YKT6: variants seen among roughly 807,000 people sequenced by gnomAD.
YKT6 encodes the protein YKT6 vesicular SNARE protein.
Under a neutral mutation model 29.3 loss-of-function variants are expected in YKT6, and 12 were observed. The ratio of observed to expected loss-of-function variants is 0.41; its 90% CI spans 0.26 to 0.66. The LOEUF (loss-of-function observed/expected upper bound fraction) is 0.66, where lower values mean the gene tolerates loss of function less well. Among genes scored for constraint, YKT6 ranks in the 30% least tolerant of loss-of-function variants. The pLI is 0.32. For missense variants in YKT6, 188 were observed against 243.8 expected (o/e 0.77, Z 1.52); for synonymous variants, 86 against 94.3 (o/e 0.91, Z 0.51).
intron 1 of YKT6, among the ~76,000 whole-genome samples, chr7:44,201,520 C>T (rs1405685119): frequency 1.3e-5 from 2 of 152,230 alleles, no homozygotes; most frequent in Non-Finnish European, 2.9e-5. Flanking sequence ...AACATTAGCT[C>T]TTTAAGAGCT....
chr7:44,204,948 CTCA>C (rs2096339338), intron 2 of YKT6, among the ~76,000 whole-genome samples: 1 of 152,204 alleles, frequency 6.6e-6, no homozygotes, highest in Non-Finnish European at 1.5e-5. Flanking sequence ...TTGCAGACCC[CTCA>C]AAAAAGGATT....
At chr7:44,208,390 GCACC>G (rs930742341) in intron 5 of YKT6, 192 bp downstream of exon 5, 1 of 570,802 alleles carries the variant, frequency 1.8e-6, no homozygotes, top group African/African-American at 1.9e-5. Context: ...TTGGTTAATG[GCACC>G]CATTGTTTCT....
intron 5 of YKT6, chr7:44,210,811 G>C: frequency 1.6e-6 from 1 of 624,228 alleles, no homozygotes; most frequent in Non-Finnish European, 3.0e-6. Context: ...ATCCCAGTTA[G>C]ATCTTCTAGA....
chr7:44,204,194 G>C (rs538115189), intron 1 of YKT6, among the ~76,000 whole-genome samples: 1 of 152,202 alleles, frequency 6.6e-6, no homozygotes, highest in Admixed American at 6.5e-5. Flanking sequence ...TTCTAGTGCA[G>C]TTCTTATAAA....
intron 1 of YKT6, 82 bp downstream of exon 1, chr7:44,201,321 C>G (rs541005712): frequency 2.5e-5 from 11 of 448,658 alleles, no homozygotes; most frequent in African/African-American, 2.3e-4. Context: ...GGCCTGGGGT[C>G]GGCGGAGGGA....
In YKT6 at chr7:44,210,955, G is replaced by A. The variant is rs1434678689; in HGVS notation, c.460-68G>A. Reference sequence around the variant, plus strand: ...AGGTAAGGCACTTTCCCCCATGACTGAAATATGAGGGGCTCATGTCAGGGC... The same window carrying A: ...AGGTAAGGCACTTTCCCCCATGACTAAAATATGAGGGGCTCATGTCAGGGC... On this transcript the variant is annotated intron_variant, in intron 5 of 6. Transcript: ENST00000223369. 3 of 1,550,668 alleles carry A rather than the reference G, an allele frequency of 1.9e-6. No homozygotes were observed. The African/African-American group carries it at 4.1e-5, about 21-fold the overall frequency.
chr7:44,204,742 C>T lies in YKT6; in HGVS notation c.187+92C>T, dbSNP rs2096339147. The T allele has an allele frequency of 3.5e-6, 4 of 1,149,164 alleles. No individual in the cohort carries two copies. In the East Asian group the frequency reaches 9.6e-5, roughly 28 times the overall value. 71.2% of individuals were successfully genotyped at this position (1,149,164 alleles called of 1,614,324 possible). A position where few individuals can be genotyped will look rare whatever the true frequency, so the allele number is the denominator to read the frequency against. ...CCAGCTTTCTCCTTTCTACTGGGACCCTACTCCTCCTCTAGCTTGTTCTCT... is the reference window on the plus strand; with the variant it reads ...CCAGCTTTCTCCTTTCTACTGGGACTCTACTCCTCCTCTAGCTTGTTCTCT... On this transcript the variant is annotated intron_variant, in intron 2 of 6. Coordinates refer to ENST00000223369, the MANE Select transcript of YKT6 (RefSeq NM_006555.4).
At chr7:44,211,886 T>G (rs906912189) in intron 6 of YKT6, among the ~76,000 whole-genome samples, 1 of 152,260 alleles carries the variant, frequency 6.6e-6, no homozygotes, top group East Asian at 1.9e-4. Context: ...TAGCATTGTG[T>G]GAAGACAGGA....
chr7:44,207,628 C>G (rs1322886528), intron 4 of YKT6, 136 bp downstream of exon 4: 6 of 737,700 alleles, frequency 8.1e-6, no homozygotes, highest in African/African-American at 1.8e-5. Context: ...TCAAGCCTTA[C>G]TGTTTGGAAA....
rs1016012083 is a variant in YKT6 at position 44,206,281 on chromosome 7, G to A, written c.188-104G>A. 8 of 1,157,248 alleles carry A rather than the reference G, an allele frequency of 6.9e-6. No homozygotes were observed. In the African/African-American group the frequency reaches 1.1e-4, roughly 15 times the overall value. 71.7% of individuals were successfully genotyped at this position (1,157,248 alleles called of 1,614,324 possible). ...TTGCCCAGAGCTATTGAGCTTCCGA[G>A]TGGCTTCATTTGGCCTAACATTGGA... is the stretch of plus-strand genomic sequence containing the variant. On this transcript the variant is annotated intron_variant, in intron 2 of 6. Coordinates refer to ENST00000223369, the MANE Select transcript of YKT6 (RefSeq NM_006555.4).
At chr7:44,207,850 C>T (rs906604407) in intron 4 of YKT6, among the ~76,000 whole-genome samples, 4 of 152,106 alleles carry the variant, frequency 2.6e-5, no homozygotes, top group African/African-American at 7.2e-5. Flanking sequence ...CTCAGCCTCC[C>T]GAGTAGCTGG....
chr7:44,208,976 T>C lies in YKT6; in HGVS notation c.459+778T>C, dbSNP rs528979512. Among the ~76,000 whole-genome samples the C allele has an allele frequency of 1.2e-4, 18 of 152,260 alleles. No individual in the cohort carries two copies. In the East Asian group the frequency reaches 3.3e-3, roughly 28 times the overall value. On this transcript the variant is annotated intron_variant, in intron 5 of 6. Transcript: ENST00000223369. ...CCTGACTGGGCCCTGTTCTCTCTTA[T>C]ACCCTTTCTTGCCCAGCTCACACAC...
At chr7:44,211,263 G>A in intron 6 of YKT6, 139 bp downstream of exon 6, 1 of 871,352 alleles carries the variant, frequency 1.1e-6, no homozygotes, top group Non-Finnish European at 1.7e-6. Context: ...TGCGGCAAGA[G>A]CCTAAGGTGA....
rs944943009 is a variant in YKT6, at chr7:44,211,695, C to G, written c.562-552C>G. Reference sequence around the variant, plus strand: ...CAAATTTACTTGGTCTGTCCACACACATTTGCTTTCATGTGCACATTGGAG... The same window carrying G: ...CAAATTTACTTGGTCTGTCCACACAGATTTGCTTTCATGTGCACATTGGAG... On this transcript the variant is annotated intron_variant, in intron 6 of 6. Transcript: ENST00000223369. The G allele has an allele frequency of 1.9e-4, 164 of 850,864 alleles. 1 individual carries two copies. The African/African-American group carries it at 2.7e-3, about 14-fold the overall frequency. The allele number at this position is 850,864 out of a possible 1,614,324, so 52.7% of individuals were successfully genotyped here.
In YKT6 at chr7:44,212,606, C is replaced by A; in HGVS notation, c.*324C>A. The A allele has an allele frequency of 3.1e-6, 1 of 327,386 alleles. No individual in the cohort carries two copies. Among genetic ancestry groups the A allele is most frequent in the East Asian group, 5.3e-5 (1 of 18,918 alleles). 20.3% of individuals were successfully genotyped at this position (327,386 alleles called of 1,614,324 possible). On this transcript the variant is annotated 3_prime_UTR_variant, in exon 7 of 7. Transcript: ENST00000223369. ...TGGGAAGGCTCTGTGGGAGGGAGGTCGGAGCCAGCTGTTTCTCGATCTTTG... is the reference window on the plus strand; with the variant it reads ...TGGGAAGGCTCTGTGGGAGGGAGGTAGGAGCCAGCTGTTTCTCGATCTTTG...
rs1356667971 is a variant in YKT6, at chr7:44,208,033, G to T, written c.394-100G>T. 4 of 1,324,106 alleles carry T rather than the reference G, an allele frequency of 3.0e-6. No individual in the cohort carries two copies. The African/African-American group carries it at 5.9e-5, about 19-fold the overall frequency. 82.0% of individuals were successfully genotyped at this position (1,324,106 alleles called of 1,614,324 possible). The stretch of plus-strand genomic sequence containing the variant: ...GCCACTGTGCCCGGCCCAGGCTGTG[G>T]TTTTTAACCTGTGAAAGTTTGTCCA... On this transcript the variant is annotated intron_variant, in intron 4 of 6. Coordinates refer to ENST00000223369, the MANE Select transcript of YKT6 (RefSeq NM_006555.4).
chr7:44,207,564 C>A, intron 4 of YKT6, 72 bp downstream of exon 4: 1 of 1,319,468 alleles, frequency 7.6e-7, no homozygotes, highest in South Asian at 1.2e-5. Flanking sequence ...AGCCAACTGC[C>A]CTGATAGTTC....
chr7:44,204,493 C>T, intron 1 of YKT6, 75 bp from the exon 2 acceptor site: 1 of 1,452,026 alleles, frequency 6.9e-7, no homozygotes, highest in African/African-American at 1.4e-5. Context: ...AATGTATAAG[C>T]CCAGAGGTCA....
Position 44,213,494 on chromosome 7 carries a change from C to G in YKT6, c.*1212C>G, listed in dbSNP as rs2096349092. 6.6e-6 allele frequency: 1 copy of G among 152,342 alleles called. No individual in the cohort carries two copies. Among genetic ancestry groups the G allele is most frequent in the South Asian group, 2.1e-4 (1 of 4,830 alleles). 9.4% of individuals were successfully genotyped at this position (152,342 alleles called of 1,614,324 possible). ...AAGTCATGGCAACAGGCTGGAGCAG[C>G]CCAGGAGATGGGCCTAAAATGTTCT... On this transcript the variant is annotated 3_prime_UTR_variant, in exon 7 of 7. Coordinates refer to ENST00000223369, the MANE Select transcript of YKT6 (RefSeq NM_006555.4).
Sources: allele counts gnomAD v4.1 joint callset (sites outside exome capture counted in the v4.1 genomes callset), GRCh38; gene constraint gnomAD v4.1.1; transcripts MANE v1.5; gene names NCBI Gene and HGNC (gene_info 2026-07-23, HGNC 2026-07-21).